AGMO: variants seen among roughly 807,000 people sequenced by gnomAD.
AGMO encodes alkylglycerol monooxygenase.
In AGMO, 75 loss-of-function variants were observed where a neutral mutation model predicts 60.2. The observed-to-expected ratio is 1.25, with a 90% CI of 1.03 to 1.51. AGMO has a LOEUF of 1.51. AGMO is among the 40% of genes most tolerant of loss of function. The pLI is 0.00. For synonymous variants in AGMO, 261 were observed against 177.1 expected (o/e 1.47, Z -3.76); for missense variants, 763 against 525.5 (o/e 1.45, Z -4.42).
chr7:15,296,968 CT>C (rs1407333538), intron 12 of AGMO, among the ~76,000 whole-genome samples: 1 of 152,132 alleles, frequency 6.6e-6, no homozygotes, highest in African/African-American at 2.4e-5. Context: ...CTCAAATGTA[CT>C]TTGAATGTGA....
At chr7:15,550,038 T>A (rs1262463145) in intron 2 of AGMO, among the ~76,000 whole-genome samples, 13 of 152,170 alleles carry the variant, frequency 8.5e-5, no homozygotes, top group African/African-American at 2.2e-4. Context: ...AACTACATGG[T>A]AACTGAACAA....
At chr7:15,404,636 A>T (rs948751379) in intron 5 of AGMO, among the ~76,000 whole-genome samples, 1 of 151,862 alleles carries the variant, frequency 6.6e-6, no homozygotes, top group Admixed American at 6.6e-5. Context: ...AAAGAAGGCA[A>T]CTGAAAAACT....
chr7:15,333,579 C>A (rs1781563282), intron 12 of AGMO, among the ~76,000 whole-genome samples: 1 of 144,606 alleles, frequency 6.9e-6, no homozygotes, highest in South Asian at 2.2e-4. Context: ...TTGATACTCT[C>A]TATAGAGACG....
chr7:15,120,356 G>A, the AGMO span, among the ~76,000 whole-genome samples: 1 of 152,102 alleles, frequency 6.6e-6, no homozygotes, highest in African/African-American at 2.4e-5. Flanking sequence ...CTGATGATTA[G>A]TTCTTCCTTC....
chr7:15,152,648 T>G, the AGMO span, among the ~76,000 whole-genome samples: 1 of 152,172 alleles, frequency 6.6e-6, no homozygotes, highest in African/African-American at 2.4e-5. Context: ...TCCAATTTCA[T>G]CCAGGTTGCT....
At chr7:15,192,008 G>C in the AGMO span, among the ~76,000 whole-genome samples, 1 of 142,952 alleles carries the variant, frequency 7.0e-6, no homozygotes, top group Admixed American at 6.9e-5. Context: ...CACACACACA[G>C]AGAACTATTC....
At chr7:15,257,061 A>C (rs542216823) in intron 12 of AGMO, among the ~76,000 whole-genome samples, 3 of 152,196 alleles carry the variant, frequency 2.0e-5, no homozygotes, top group South Asian at 2.1e-4. Context: ...AAGAATGATA[A>C]AAGCAACTGT....
At chr7:15,221,298 C>T (rs1161903392) in intron 12 of AGMO, among the ~76,000 whole-genome samples, 1 of 151,996 alleles carries the variant, frequency 6.6e-6, no homozygotes, top group African/African-American at 2.4e-5. Flanking sequence ...GGGCTGAGCT[C>T]TTGTAAGTCA....
chr7:15,225,203 T>C (rs895526456), intron 12 of AGMO, among the ~76,000 whole-genome samples: 1 of 151,970 alleles, frequency 6.6e-6, no homozygotes, highest in African/African-American at 2.4e-5. Flanking sequence ...AAAAATAAGA[T>C]TCTTAACAAT....
intron 3 of AGMO, among the ~76,000 whole-genome samples, chr7:15,534,630 A>C (rs1382845982): frequency 6.6e-6 from 1 of 151,932 alleles, no homozygotes; most frequent in Non-Finnish European, 1.5e-5. Context: ...ATTCCATTAC[A>C]ATTTGATAAA....
At chr7:15,390,208 G>A (rs1485236967) in intron 8 of AGMO, among the ~76,000 whole-genome samples, 1 of 151,980 alleles carries the variant, frequency 6.6e-6, no homozygotes, top group Admixed American at 6.6e-5. Flanking sequence ...AGCAAGCGAG[G>A]TAATGCACAG....
intron 12 of AGMO, among the ~76,000 whole-genome samples, chr7:15,327,572 G>A (rs1427533688): frequency 3.3e-5 from 5 of 152,034 alleles, no homozygotes; most frequent in Admixed American, 6.6e-5. Flanking sequence ...GGAGTTTAAT[G>A]AGAAAAGGAG....
chr7:15,465,205 AC>A (rs990022899), intron 3 of AGMO, among the ~76,000 whole-genome samples: 2 of 151,850 alleles, frequency 1.3e-5, no homozygotes, highest in African/African-American at 4.8e-5. Context: ...AGCCGAACTC[AC>A]CAAATGTGGG....
chr7:15,444,780 C>T (rs1322329135), intron 3 of AGMO, among the ~76,000 whole-genome samples: 4 of 152,162 alleles, frequency 2.6e-5, no homozygotes, highest in Non-Finnish European at 2.9e-5. Flanking sequence ...AAGTTGATGG[C>T]TCCCAAGTAT....
the AGMO span, among the ~76,000 whole-genome samples, chr7:15,178,782 A>G: frequency 6.6e-6 from 1 of 152,120 alleles, no homozygotes; most frequent in Non-Finnish European, 1.5e-5. Context: ...CTATCACAGA[A>G]TACTACAGTC....
At chr7:15,317,871 A>G (rs1467119250) in intron 12 of AGMO, among the ~76,000 whole-genome samples, 1 of 148,150 alleles carries the variant, frequency 6.7e-6, no homozygotes, top group Admixed American at 6.8e-5. Flanking sequence ...ACACACACGT[A>G]TATATATATA....
chr7:15,333,867 C>G (rs1303895624), intron 12 of AGMO, among the ~76,000 whole-genome samples: 1 of 151,982 alleles, frequency 6.6e-6, no homozygotes, highest in Non-Finnish European at 1.5e-5. Context: ...ATCCCAATTC[C>G]TATTGCATGT....
At chr7:15,375,761 G>A (rs763323424) in intron 10 of AGMO, among the ~76,000 whole-genome samples, 27 of 152,104 alleles carry the variant, frequency 1.8e-4, no homozygotes, top group Non-Finnish European at 3.5e-4. Context: ...AGACTTGGGA[G>A]TTTCCAAAAC....
At chr7:15,323,366 TCAGA>T (rs1781241322) in intron 12 of AGMO, among the ~76,000 whole-genome samples, 2 of 152,046 alleles carry the variant, frequency 1.3e-5, no homozygotes, top group South Asian at 2.1e-4. Context: ...TTGGAAGAAG[TCAGA>T]CAAAGAAAAA....
Sources: gnomAD v4.1 joint callset for allele counts (sites outside exome capture counted in the v4.1 genomes callset) on GRCh38, gnomAD v4.1.1 for gene constraint, MANE v1.5 for transcripts, NCBI Gene and HGNC (gene_info 2026-07-23, HGNC 2026-07-21) for gene names.